Variants in DIAPH2 observed in about 807,000 individuals in gnomAD.
DIAPH2 encodes protein diaphanous homolog 2.
Under a neutral mutation model 92.7 loss-of-function variants are expected in DIAPH2, and 35 were observed. The observed-to-expected ratio is 0.38, with a 90% CI of 0.29 to 0.50. The LOEUF is 0.50. Ranked by LOEUF, DIAPH2 falls within the 20% of genes least tolerant of loss-of-function variation. DIAPH2 has a pLI of 0.94. For missense variants in DIAPH2, 701 were observed against 819.5 expected, an observed-to-expected ratio of 0.86 and a Z score of 1.77; for synonymous variants, 301 against 280.4, an observed-to-expected ratio of 1.07 and a Z score of -0.73.
chrX:97,391,026 A>G (rs2069654286), intron 25 of DIAPH2, among the ~76,000 whole-genome samples: 1 of 112,018 alleles, frequency 8.9e-6, no homozygotes, highest in Non-Finnish European at 1.9e-5. Context: ...ATTATTATTT[A>G]TTGTAATGTT....
chrX:96,790,080 T>G (rs1409123436), intron 4 of DIAPH2, among the ~76,000 whole-genome samples: 4 of 109,495 alleles, frequency 3.7e-5, no homozygotes, highest in Non-Finnish European at 5.7e-5. Flanking sequence ...TTTGTTTTTT[T>G]TTTTTTGAGA....
intron 26 of DIAPH2, among the ~76,000 whole-genome samples, chrX:97,464,426 C>A (rs905521501): frequency 9.1e-6 from 1 of 109,637 alleles, no homozygotes; most frequent in African/African-American, 3.3e-5. Context: ...GCAGTGAGCC[C>A]AGATCGCGCC....
intron 21 of DIAPH2, among the ~76,000 whole-genome samples, chrX:97,116,574 A>T (rs1204531031): frequency 8.9e-6 from 1 of 111,866 alleles, no homozygotes; most frequent in African/African-American, 3.2e-5. Context: ...CCATGGTGCT[A>T]CTTGCCTAGA....
intron 25 of DIAPH2, among the ~76,000 whole-genome samples, chrX:97,415,072 C>CATTT (rs201093283): frequency 0.42 from 45,711 of 110,047 alleles, 6,857 homozygotes; most frequent in East Asian, 0.57. Flanking sequence ...CAAAAGAAGA[C>CATTT]ATTTATGCAG....
chrX:96,745,796 G>A (rs1206550944), intron 3 of DIAPH2, among the ~76,000 whole-genome samples: 1 of 112,072 alleles, frequency 8.9e-6, no homozygotes, highest in East Asian at 2.8e-4. Flanking sequence ...TCTGTGCATT[G>A]GTGCATCACT....
intron 20 of DIAPH2, among the ~76,000 whole-genome samples, chrX:97,101,138 C>T (rs992333259): frequency 9.0e-6 from 1 of 111,729 alleles, no homozygotes; most frequent in African/African-American, 3.2e-5. Flanking sequence ...GAAGCCTAAG[C>T]TGCTTGGATT....
At chrX:96,865,443 G>A (rs2065098561) in intron 4 of DIAPH2, among the ~76,000 whole-genome samples, 1 of 111,984 alleles carries the variant, frequency 8.9e-6, no homozygotes, top group African/African-American at 3.2e-5. Context: ...TTCAGGAAAG[G>A]GGCCCTCTAG....
At chrX:97,017,344 T>A (rs1345045997) in intron 17 of DIAPH2, among the ~76,000 whole-genome samples, 1 of 111,831 alleles carries the variant, frequency 8.9e-6, no homozygotes, top group Non-Finnish European at 1.9e-5. Context: ...AGAACACTAC[T>A]TTTTGGAAGA....
intron 17 of DIAPH2, among the ~76,000 whole-genome samples, chrX:97,003,422 C>G (rs1258547736): frequency 1.8e-5 from 2 of 111,936 alleles, no homozygotes; most frequent in African/African-American, 3.2e-5. Context: ...CCACCAACAA[C>G]AATATACAAG....
At chrX:96,843,787 T>A (rs2064953217) in intron 4 of DIAPH2, among the ~76,000 whole-genome samples, 1 of 112,098 alleles carries the variant, frequency 8.9e-6, no homozygotes, top group South Asian at 3.7e-4. Context: ...GTATGCATGC[T>A]GGTGGAAGAT....
intron 4 of DIAPH2, among the ~76,000 whole-genome samples, chrX:96,783,439 A>G (rs1197945113): frequency 8.9e-6 from 1 of 112,569 alleles, no homozygotes; most frequent in Non-Finnish European, 1.9e-5. Flanking sequence ...GATGGCTTGT[A>G]GATATTAAAG....
chrX:97,024,390 A>G (rs2066317782), intron 17 of DIAPH2, among the ~76,000 whole-genome samples: 2 of 112,152 alleles, frequency 1.8e-5, no homozygotes, highest in Admixed American at 9.5e-5. Flanking sequence ...ATATCTACAC[A>G]TATTCCAGAG....
At chrX:96,819,188 T>A (rs1022307659) in intron 4 of DIAPH2, among the ~76,000 whole-genome samples, 7 of 112,188 alleles carry the variant, frequency 6.2e-5, no homozygotes, top group African/African-American at 2.3e-4. Context: ...GCACTGTTAT[T>A]GTGTTTTTTG....
At chrX:96,694,179 A>ATAACTATAACC (rs1166681329) in intron 1 of DIAPH2, among the ~76,000 whole-genome samples, 8 of 112,249 alleles carry the variant, frequency 7.1e-5, no homozygotes, top group Non-Finnish European at 1.3e-4. Flanking sequence ...GGCCTAGGTT[A>ATAACTATAACC]TAGTTCAGTA....
chrX:96,888,630 GATAT>G (rs1185567649), intron 5 of DIAPH2, among the ~76,000 whole-genome samples: 1 of 93,168 alleles, frequency 1.1e-5, no homozygotes. Context: ...TATATACACA[GATAT>G]ATATATCTAT....
chrX:97,517,540 TA>T (rs1030147375), intron 26 of DIAPH2, among the ~76,000 whole-genome samples: 1 of 111,860 alleles, frequency 8.9e-6, no homozygotes, highest in South Asian at 3.7e-4. Flanking sequence ...TCCCAGCTTT[TA>T]AAAAAATATA....
At position 97,103,622 on chromosome X, in the gene DIAPH2, A is replaced by G. The variant is rs137910617; in HGVS notation, c.2349+3827A>G. Among the ~76,000 whole-genome samples, 233 of 111,985 alleles carry G rather than the reference A, an allele frequency of 2.1e-3. 2 individuals are homozygous for G. The East Asian group carries it at 0.055, about 27-fold the overall frequency. On this transcript the variant is annotated intron_variant, in intron 20 of 26. Transcript: ENST00000324765. ...CAATTAACCATTACAATATACATTT[A>G]TCTTGTTTTTCCCGCTACCACTTTT...
At chrX:97,432,289 T>C (rs2070134622) in intron 26 of DIAPH2, among the ~76,000 whole-genome samples, 1 of 110,091 alleles carries the variant, frequency 9.1e-6, no homozygotes, top group Non-Finnish European at 1.9e-5. Flanking sequence ...TTTTTATTTA[T>C]TTTTTATTTA....
At chrX:96,980,474 A>AG (rs1364652080) in intron 17 of DIAPH2, among the ~76,000 whole-genome samples, 1 of 110,617 alleles carries the variant, frequency 9.0e-6, no homozygotes, top group Non-Finnish European at 1.9e-5. Flanking sequence ...TTATGGGTAC[A>AG]GGATGGGGGG....
Sources: gnomAD v4.1 joint callset for allele counts (sites outside exome capture counted in the v4.1 genomes callset) on GRCh38, gnomAD v4.1.1 for gene constraint, MANE v1.5 for transcripts, NCBI Gene and HGNC (gene_info 2026-07-23, HGNC 2026-07-21) for gene names.